Variants in RALGAPA2 observed in about 807,000 individuals in gnomAD.
RALGAPA2 encodes ral GTPase-activating protein subunit alpha-2.
Under a neutral mutation model 230.4 loss-of-function variants are expected in RALGAPA2, and 139 were observed. That is an observed-to-expected ratio of 0.60 (90% confidence interval 0.53 to 0.69). RALGAPA2 has a LOEUF of 0.69. Ranked by LOEUF, RALGAPA2 falls within the 30% of genes least tolerant of loss-of-function variation. RALGAPA2 has a pLI of 0.00. For synonymous variants in RALGAPA2, 847 were observed against 837.8 expected, an observed-to-expected ratio of 1.01 and a Z score of -0.19; for missense variants, 2,163 against 2,276.0, an observed-to-expected ratio of 0.95 and a Z score of 1.01.
intron 16 of RALGAPA2, among the ~76,000 whole-genome samples, chr20:20,600,210 C>T (rs554906337): frequency 6.6e-6 from 1 of 152,116 alleles, no homozygotes; most frequent in Non-Finnish European, 1.5e-5. Context: ...GCAGGAGAAT[C>T]GCTTGAACCT....
chr20:20,468,947 GTGTGTGTGTGTGTGTT>G (rs987898985), intron 37 of RALGAPA2, among the ~76,000 whole-genome samples: 9 of 150,398 alleles, frequency 6.0e-5, no homozygotes, highest in Non-Finnish European at 8.8e-5. Flanking sequence ...CATCCTGTGT[GTGTGTGTGTGTGTGTT>G]TGTGTGTGTG....
intron 3 of RALGAPA2, among the ~76,000 whole-genome samples, chr20:20,672,348 A>C (rs1334200742): frequency 6.6e-6 from 1 of 152,242 alleles, no homozygotes; most frequent in Non-Finnish European, 1.5e-5. Flanking sequence ...CAGCATAATT[A>C]GACAAACACT....
chr20:20,544,569 A>C (rs1411749345), intron 24 of RALGAPA2, among the ~76,000 whole-genome samples: 1 of 152,196 alleles, frequency 6.6e-6, no homozygotes, highest in Non-Finnish European at 1.5e-5. Context: ...ACACATGCAC[A>C]TGTATGTTTA....
chr20:20,417,173 T>TGGAAC (rs2060183411), intron 37 of RALGAPA2, among the ~76,000 whole-genome samples: 3 of 152,184 alleles, frequency 2.0e-5, no homozygotes, highest in African/African-American at 7.2e-5. Flanking sequence ...ATCCCTTGAG[T>TGGAAC]ACATTAGGGT....
intron 10 of RALGAPA2, among the ~76,000 whole-genome samples, chr20:20,622,403 T>C (rs1169817663): frequency 6.6e-6 from 1 of 152,096 alleles, no homozygotes; most frequent in Non-Finnish European, 1.5e-5. Context: ...ATGTGAAGTA[T>C]ATTACAGGTA....
At position 20,505,511 on chromosome 20, in the gene RALGAPA2, A is replaced by G. The variant is rs79577835; in HGVS notation, c.4952T>C (p.Val1651Ala). 2 of 1,598,916 alleles carry G rather than the reference A, an allele frequency of 1.3e-6. No individual in the cohort carries two copies. The highest frequency in any genetic ancestry group is 1.7e-6 in the Non-Finnish European group (2 of 1,173,010). Residue 1651 changes from valine to alanine, a missense_variant, in exon 34 of 40, where the codon GTG becomes GCG. Val to Ala is a moderately conservative substitution (Grantham distance 64). Transcript: ENST00000202677. ...TTCTTGACCTTCAGCAATGTAAAAC[A>G]CTGCGATTTTGTGTGTCTCACGGCT... ...RQCRETHKIA[V>A]FYIAEGQEDK... is the part of the protein sequence containing the mutation.
At chr20:20,694,350 A>G (rs1346161387) in intron 1 of RALGAPA2, among the ~76,000 whole-genome samples, 1 of 152,198 alleles carries the variant, frequency 6.6e-6, no homozygotes, top group East Asian at 1.9e-4. Flanking sequence ...CCTTCCTCCT[A>G]GACAGTTCAA....
intron 37 of RALGAPA2, among the ~76,000 whole-genome samples, chr20:20,433,232 A>G (rs2060536158): frequency 6.6e-6 from 1 of 152,268 alleles, no homozygotes; most frequent in African/African-American, 2.4e-5. Context: ...CTCACTTTAT[A>G]GCTGAAGAAA....
intron 24 of RALGAPA2, among the ~76,000 whole-genome samples, chr20:20,546,320 CTT>C (rs1450289909): frequency 1.3e-5 from 2 of 151,934 alleles, no homozygotes; most frequent in African/African-American, 4.8e-5. Flanking sequence ...ATAACCAAGA[CTT>C]AATTTAAAAA....
intron 1 of RALGAPA2, among the ~76,000 whole-genome samples, chr20:20,704,804 C>T (rs1056451985): frequency 2.6e-5 from 4 of 152,350 alleles, no homozygotes; most frequent in East Asian, 3.9e-4. Context: ...CATCTACTTA[C>T]GCCACAGGAT....
At chr20:20,521,311 A>T (rs902309919) in intron 30 of RALGAPA2, among the ~76,000 whole-genome samples, 2 of 152,198 alleles carry the variant, frequency 1.3e-5, no homozygotes. Context: ...AGGCAAAAGG[A>T]AAGTAAAAGT....
chr20:20,456,773 C>T (rs1050665215), intron 37 of RALGAPA2, among the ~76,000 whole-genome samples: 3 of 152,192 alleles, frequency 2.0e-5, no homozygotes, highest in Non-Finnish European at 4.4e-5. Flanking sequence ...ACCCACAGAA[C>T]CATAGAAGAG....
chr20:20,629,313 A>G, intron 10 of RALGAPA2, 50 bp downstream of exon 10: 1 of 1,370,932 alleles, frequency 7.3e-7, no homozygotes, highest in South Asian at 1.3e-5. Context: ...CCATTTCAAG[A>G]ACTTGTAACA....
At chr20:20,685,325 A>C (rs1319016738) in intron 1 of RALGAPA2, among the ~76,000 whole-genome samples, 9 of 152,246 alleles carry the variant, frequency 5.9e-5, no homozygotes, top group Non-Finnish European at 1.2e-4. Context: ...CCATGGCTGA[A>C]GCCCATGCTG....
intron 5 of RALGAPA2, among the ~76,000 whole-genome samples, chr20:20,641,553 G>A (rs6106274): frequency 0.042 from 6,412 of 152,108 alleles, 194 homozygotes; most frequent in Non-Finnish European, 0.066. Context: ...CATCTACATA[G>A]GGAGATGTGT....
chr20:20,509,462 T>A (rs1360715463), intron 33 of RALGAPA2, among the ~76,000 whole-genome samples: 2 of 149,594 alleles, frequency 1.3e-5, no homozygotes, highest in African/African-American at 2.6e-5. Context: ...TTTAAAAAAA[T>A]GTCTGCATAT....
intron 37 of RALGAPA2, among the ~76,000 whole-genome samples, chr20:20,425,371 C>T (rs2060360382): frequency 6.6e-6 from 1 of 152,158 alleles, no homozygotes; most frequent in African/African-American, 2.4e-5. Flanking sequence ...GAAATAATTC[C>T]TTTTCATGGT....
chr20:20,445,318 A>G (rs1383430991), intron 37 of RALGAPA2, among the ~76,000 whole-genome samples: 1 of 152,192 alleles, frequency 6.6e-6, no homozygotes, highest in Non-Finnish European at 1.5e-5. Context: ...TGAAGATGGA[A>G]GCCTATTACA....
At chr20:20,438,135 T>G (rs940701332) in intron 37 of RALGAPA2, among the ~76,000 whole-genome samples, 3 of 152,200 alleles carry the variant, frequency 2.0e-5, no homozygotes, top group Admixed American at 2.0e-4. Context: ...AAATGAAACA[T>G]TTCTTTCCGT....
Sources: gnomAD v4.1 joint callset for allele counts (sites outside exome capture counted in the v4.1 genomes callset) on GRCh38, gnomAD v4.1.1 for gene constraint, MANE v1.5 for transcripts, NCBI Gene and HGNC (gene_info 2026-07-23, HGNC 2026-07-21) for gene names.